The following RAB3IP variants were observed in gnomAD, a reference collection of about 807,000 sequenced individuals.
RAB3IP encodes RAB3A interacting protein, also known as rab-3A-interacting protein.
RAB3IP carries 36 observed loss-of-function variants against 59.1 expected under a neutral mutation model. The observed-to-expected ratio is 0.61, with a 90% CI of 0.47 to 0.80. The LOEUF (loss-of-function observed/expected upper bound fraction) is 0.80. Among genes scored for constraint, RAB3IP ranks in the 30% least tolerant of loss-of-function variants. RAB3IP has a pLI of 0.00. For missense variants in RAB3IP, 511 were observed against 536.0 expected (o/e 0.95, Z 0.46); for synonymous variants, 207 against 191.2 (o/e 1.08, Z -0.68).
At chr12:69,797,976 A>G (rs562147670) in intron 6 of RAB3IP, among the ~76,000 whole-genome samples, 291 of 152,304 alleles carry the variant, frequency 1.9e-3, no homozygotes, top group African/African-American at 6.8e-3. Context: ...TAATGCCGCA[A>G]TAAACATACG....
rs1290917142 is a variant in RAB3IP at position 69,815,472 on chromosome 12, C to T, written c.*26C>T. On this transcript the variant is annotated 3_prime_UTR_variant, in exon 11 of 11. Transcript: ENST00000247833. ...TGCTCTGCGTGGGACCATGCCTGAA[C>T]TCCCCGAATAACTGAAAAATGGCTG... 3 of 1,473,854 alleles carry T rather than the reference C, an allele frequency of 2.0e-6. No individual in the cohort carries two copies. Among genetic ancestry groups the T allele is most frequent in the African/African-American group, 1.4e-5 (1 of 72,104 alleles). The allele number at this position is 1,473,854 out of a possible 1,614,324, so 91.3% of individuals were successfully genotyped here.
chr12:69,756,335 C>G, intron 2 of RAB3IP, 70 bp from the exon 3 acceptor site: 1 of 1,509,584 alleles, frequency 6.6e-7, no homozygotes, highest in Non-Finnish European at 9.0e-7. Flanking sequence ...AGTTCTAGAG[C>G]TGTGTGTTTA....
At chr12:69,786,295 G>A (rs551809585) in intron 4 of RAB3IP, among the ~76,000 whole-genome samples, 2 of 152,218 alleles carry the variant, frequency 1.3e-5, no homozygotes, top group African/African-American at 4.8e-5. Flanking sequence ...TGCCCTGAAT[G>A]TCTTTAGACA....
At chr12:69,773,399 C>CTTTTTTCTTTT (rs1873500020) in intron 3 of RAB3IP, among the ~76,000 whole-genome samples, 1 of 48,004 alleles carries the variant, frequency 2.1e-5, no homozygotes, top group Non-Finnish European at 3.7e-5. Flanking sequence ...ATTTGTCTTT[C>CTTTTTTCTTTT]TTTTTTTTTT....
At position 69,801,662 on chromosome 12, in the gene RAB3IP, A is replaced by C. The variant is rs745726721; in HGVS notation, c.1071A>C (p.Pro357=). 5 of 1,613,202 alleles carry C rather than the reference A, an allele frequency of 3.1e-6. No individual in the cohort carries two copies. In the South Asian group the frequency reaches 3.3e-5, roughly 11 times the overall value. Residue 357 remains proline (P), a synonymous_variant, in exon 8 of 11, where the codon CCA becomes CCC. Coordinates refer to ENST00000247833, the MANE Select transcript of RAB3IP (RefSeq NM_022456.5). The stretch of plus-strand genomic sequence containing the variant: ...AAAACAATACTCTAAGCATTGAACC[A>C]GTGGGATTACAACCTATCCGGTTTG... ...AVENNTLSIE[P]VGLQPIRFVK...
intron 4 of RAB3IP, chr12:69,785,134 A>G (rs1245826208): frequency 6.3e-6 from 1 of 159,496 alleles, no homozygotes; most frequent in East Asian, 1.8e-4. Flanking sequence ...ATGACTGTAC[A>G]ACTAAGAGGG....
In RAB3IP at chr12:69,820,005, A is replaced by G. The variant is rs1236749551; in HGVS notation, c.*4559A>G. The G allele has an allele frequency of 2.0e-5, 3 of 152,008 alleles. No individual in the cohort carries two copies. The highest frequency in any genetic ancestry group is 4.4e-5 in the Non-Finnish European group (3 of 68,010). 9.4% of individuals were successfully genotyped at this position (152,008 alleles called of 1,614,324 possible). A position where few individuals can be genotyped will look rare whatever the true frequency, so the allele number is the denominator to read the frequency against. ...CTTGCAACCTGTTACGTCTTCACTT[A>G]CTCCCATCGCCACCACAAGAATCCT... On this transcript the variant is annotated 3_prime_UTR_variant, in exon 11 of 11. Transcript: ENST00000247833.
At chr12:69,787,552 T>C (rs1875888996) in intron 4 of RAB3IP, among the ~76,000 whole-genome samples, 1 of 152,194 alleles carries the variant, frequency 6.6e-6, no homozygotes, top group African/African-American at 2.4e-5. Flanking sequence ...TTATCTACTG[T>C]GAAAATCATA....
In RAB3IP at chr12:69,819,928, C is replaced by G. The variant is rs1361354234; in HGVS notation, c.*4482C>G. The G allele has an allele frequency of 6.6e-6, 1 of 152,196 alleles. No homozygotes were observed. The highest frequency in any genetic ancestry group is 2.4e-5 in the African/African-American group (1 of 41,454). The allele number at this position is 152,196 out of a possible 1,614,324, so 9.4% of individuals were successfully genotyped here. A position where few individuals can be genotyped will look rare whatever the true frequency, so the allele number is the denominator to read the frequency against. Reference sequence around the variant, plus strand: ...TACAGTCTTTGACTAAGCATCCACACTGGAAGAACAAGATTTGGTTTCTGA... The same window carrying G: ...TACAGTCTTTGACTAAGCATCCACAGTGGAAGAACAAGATTTGGTTTCTGA... On this transcript the variant is annotated 3_prime_UTR_variant, in exon 11 of 11. Transcript: ENST00000247833.
intron 6 of RAB3IP, among the ~76,000 whole-genome samples, chr12:69,798,459 TC>T (rs1398964710): frequency 6.6e-6 from 1 of 151,672 alleles, no homozygotes; most frequent in Non-Finnish European, 1.5e-5. Context: ...GAAAATTTTC[TC>T]CCATTTTGTA....
At position 69,805,170 on chromosome 12, in the gene RAB3IP, A is replaced by C. The variant is rs907431340; in HGVS notation, c.1130+3449A>C. On this transcript the variant is annotated intron_variant, in intron 8 of 10. Transcript: ENST00000247833. Reference sequence around the variant, plus strand: ...ATTTGTTTGTATCCTCTTTTATTTCATTGAGCAGTGGTTTGTAGTTCTCCT... The same window carrying C: ...ATTTGTTTGTATCCTCTTTTATTTCCTTGAGCAGTGGTTTGTAGTTCTCCT... Among the ~76,000 whole-genome samples the C allele has an allele frequency of 3.8e-3, 573 of 152,110 alleles. 6 individuals are homozygous for C. The highest frequency in any genetic ancestry group is 0.024 in the Middle Eastern group (7 of 294).
intron 2 of RAB3IP, among the ~76,000 whole-genome samples, chr12:69,756,058 T>A (rs980270208): frequency 2.0e-5 from 3 of 152,248 alleles, no homozygotes; most frequent in Non-Finnish European, 2.9e-5. Context: ...TATTTGAAAT[T>A]GTAAAAACTA....
At chr12:69,789,787 A>G (rs1230677255) in intron 4 of RAB3IP, among the ~76,000 whole-genome samples, 4 of 152,218 alleles carry the variant, frequency 2.6e-5, no homozygotes, top group Non-Finnish European at 5.9e-5. Context: ...AACATAGGCA[A>G]ATCAATCAGT....
chr12:69,755,555 C>T lies in RAB3IP; in HGVS notation c.147C>T (p.Ser49=), dbSNP rs866473052. ...VIYRPHPSAL[S]SVPIQANALD... is the part of the protein sequence containing the mutation. ...ACCGGCCACACCCTTCAGCTTTATC[C>T]TCTGTACCTATCCAGGCAAATGCAT... Residue 49 remains serine (S), a synonymous_variant, in exon 2 of 11, where the codon TCC becomes TCT. Transcript: ENST00000247833. 2 of 1,614,090 alleles carry T rather than the reference C, an allele frequency of 1.2e-6. No homozygotes were observed. Among genetic ancestry groups the T allele is most frequent in the Non-Finnish European group, 1.7e-6 (2 of 1,180,018 alleles).
At chr12:69,772,619 A>G (rs1873325057) in intron 3 of RAB3IP, among the ~76,000 whole-genome samples, 1 of 152,218 alleles carries the variant, frequency 6.6e-6, no homozygotes, top group African/African-American at 2.4e-5. Flanking sequence ...AAACATAACC[A>G]GTTATTTTAA....
chr12:69,784,680 A>T (rs749919614), intron 3 of RAB3IP, 40 bp from the exon 4 acceptor site: 5 of 1,220,384 alleles, frequency 4.1e-6, no homozygotes, highest in Non-Finnish European at 3.6e-6. Context: ...TCTAACTTCA[A>T]ACTATGGAGA....
intron 10 of RAB3IP, 60 bp from the exon 11 acceptor site, chr12:69,815,304 A>G (rs1187304202): frequency 9.0e-6 from 11 of 1,227,124 alleles, no homozygotes; most frequent in African/African-American, 1.5e-5. Flanking sequence ...TCAGCGAAAC[A>G]TTAAAAATAA....
At chr12:69,787,047 T>G (rs1462050081) in intron 4 of RAB3IP, among the ~76,000 whole-genome samples, 3 of 152,220 alleles carry the variant, frequency 2.0e-5, no homozygotes, top group Non-Finnish European at 4.4e-5. Context: ...CATTGTCTTA[T>G]GAAAAGATTC....
At chr12:69,738,720 G>A (rs1224444468), upstream of RAB3IP, 1 of 152,100 alleles carries the variant, frequency 6.6e-6, no homozygotes, top group Non-Finnish European at 1.5e-5. Flanking sequence ...CCCGCCTGGC[G>A]CCAGGGGGCG....
Sources: allele counts gnomAD v4.1 joint callset (sites outside exome capture counted in the v4.1 genomes callset), GRCh38; gene constraint gnomAD v4.1.1; transcripts MANE v1.5; gene names NCBI Gene and HGNC (gene_info 2026-07-23, HGNC 2026-07-21).